The following SCAI variants were observed in gnomAD, a reference collection of about 807,000 sequenced individuals.
The protein encoded by SCAI is protein SCAI.
Under a neutral mutation model 92.2 loss-of-function variants are expected in SCAI, and 24 were observed. The observed-to-expected ratio is 0.26, with a 90% CI of 0.19 to 0.37. SCAI has a LOEUF of 0.37. Among genes scored for constraint, SCAI ranks in the 10% least tolerant of loss-of-function variants. The probability of loss-of-function intolerance (pLI) is 1.00; values close to 1 mark genes in which losing one functional copy is unlikely to be tolerated. For missense variants in SCAI, 450 were observed against 736.2 expected (o/e 0.61, Z 4.50); for synonymous variants, 261 against 258.6 (o/e 1.01, Z -0.09).
chr9:125,143,403 C>A lies in SCAI; in HGVS notation c.35G>T (p.Arg12Leu). 7.2e-7 allele frequency: 1 copy of A among 1,395,942 alleles called. No homozygotes were observed. The highest frequency in any genetic ancestry group is 9.3e-7 in the Non-Finnish European group (1 of 1,073,380). 86.5% of individuals were successfully genotyped at this position (1,395,942 alleles called of 1,614,324 possible). The change falls in exon 1 of 18, where the codon CGG (arginine) becomes CTG (leucine). Residue 12 changes from arginine (R) to leucine (L), a missense_variant. Transcript: ENST00000336505. The part of the protein sequence containing the change: ...VRGARQPQQP[R>L]SRLAPRLTGT... ...CCCGCACCTGGGGGCCAGGCGACTC[C>A]GCGGCTGCTGGGGCTGCCGGGCTCC...
chr9:125,072,128 G>A (rs969044267), intron 2 of SCAI, among the ~76,000 whole-genome samples: 32 of 151,862 alleles, frequency 2.1e-4, no homozygotes, highest in Non-Finnish European at 2.9e-4. Context: ...GGTTCAAGCG[G>A]TTCTCCTGCC....
chr9:125,067,704 C>A (rs918260716), intron 2 of SCAI, among the ~76,000 whole-genome samples: 3 of 152,168 alleles, frequency 2.0e-5, no homozygotes, highest in Non-Finnish European at 4.4e-5. Flanking sequence ...ATTTGCATTT[C>A]TCTGACAACT....
rs1421058572 is a variant in SCAI, at chr9:124,947,598, T to C, written c.*5209A>G. 1.3e-5 allele frequency: 2 copies of C among 152,160 alleles called. No individual in the cohort carries two copies. The highest frequency in any genetic ancestry group is 4.8e-5 in the African/African-American group (2 of 41,432). The allele number at this position is 152,160 out of a possible 1,614,324, so 9.4% of individuals were successfully genotyped here. On this transcript the variant is annotated 3_prime_UTR_variant, in exon 18 of 18. Transcript: ENST00000336505. The stretch of plus-strand genomic sequence containing the variant: ...CCACAATGGGTATGGGTACATAATA[T>C]ACACATACTGTATCACTGCATACCA...
At chr9:125,038,490 T>A (rs988729843) in intron 3 of SCAI, among the ~76,000 whole-genome samples, 1 of 152,348 alleles carries the variant, frequency 6.6e-6, no homozygotes, top group Non-Finnish European at 1.5e-5. Context: ...CCAAATAATT[T>A]TTCCCCCAAA....
At chr9:125,000,139 T>C (rs1188376398) in intron 12 of SCAI, 149 bp from the exon 13 acceptor site, 1 of 460,166 alleles carries the variant, frequency 2.2e-6, no homozygotes, top group African/African-American at 2.0e-5. Flanking sequence ...CATTTTAATT[T>C]AATGGAGTAT....
chr9:124,990,533 G>C (rs939919355), intron 14 of SCAI, among the ~76,000 whole-genome samples: 4 of 152,112 alleles, frequency 2.6e-5, no homozygotes, highest in Admixed American at 6.6e-5. Context: ...ATTATCTATG[G>C]TGTGGATAAA....
At chr9:125,109,361 AAAT>A (rs796825826) in intron 2 of SCAI, among the ~76,000 whole-genome samples, 11 of 151,518 alleles carry the variant, frequency 7.3e-5, no homozygotes, top group South Asian at 2.1e-4. Context: ...CAATTTTAAA[AAAT>A]AATAATAATA....
chr9:124,956,922 G>A (rs1831323572), intron 17 of SCAI, among the ~76,000 whole-genome samples: 3 of 151,444 alleles, frequency 2.0e-5, no homozygotes, highest in Admixed American at 2.0e-4. Context: ...AAAATTTTAA[G>A]GAACATGTAA....
In SCAI at chr9:124,952,638, AAC is replaced by A. The variant is rs1831249133; in HGVS notation, c.*167_*168del. The A allele has an allele frequency of 7.5e-6, 4 of 531,808 alleles. No homozygotes were observed. Among genetic ancestry groups the A allele is most frequent in the Non-Finnish European group, 9.5e-6 (3 of 314,332 alleles). The allele number at this position is 531,808 out of a possible 1,614,324, so 32.9% of individuals were successfully genotyped here. The stretch of plus-strand genomic sequence containing the variant: ...AAAGACCTGAAAGGTTGCATTTTAA[AAC>A]AGTTACCCTAAAAGTGTGAACATTT... On this transcript the variant is annotated 3_prime_UTR_variant, in exon 18 of 18. Coordinates refer to ENST00000336505, the MANE Select transcript of SCAI (RefSeq NM_001144877.3).
chr9:125,088,359 T>C (rs1834364303), intron 2 of SCAI, among the ~76,000 whole-genome samples: 1 of 152,182 alleles, frequency 6.6e-6, no homozygotes, highest in Non-Finnish European at 1.5e-5. Context: ...TGGGGGCAGA[T>C]TTCCCCCTTG....
At position 124,943,727 on chromosome 9, in the gene SCAI, G is replaced by C. The variant is rs1245807442; in HGVS notation, c.*9080C>G. ...TTCAGCATTATTTTCAAGGGAAAAA[G>C]ATCAAACATAACTTATTTTAACTCC... On this transcript the variant is annotated 3_prime_UTR_variant, in exon 18 of 18. Transcript: ENST00000336505. 6.6e-6 allele frequency: 1 copy of C among 152,110 alleles called. No individual in the cohort carries two copies. The highest frequency in any genetic ancestry group is 1.5e-5 in the Non-Finnish European group (1 of 67,994). 9.4% of individuals were successfully genotyped at this position (152,110 alleles called of 1,614,324 possible).
At chr9:125,135,943 T>C (rs376140408) in intron 2 of SCAI, among the ~76,000 whole-genome samples, 18 of 138,886 alleles carry the variant, frequency 1.3e-4, no homozygotes, top group African/African-American at 4.1e-4. Context: ...CACTCCAGCC[T>C]GGTCAACAAG....
chr9:125,013,928 C>A (rs916905764), intron 9 of SCAI, among the ~76,000 whole-genome samples: 5 of 152,202 alleles, frequency 3.3e-5, no homozygotes, highest in African/African-American at 1.2e-4. Flanking sequence ...AAGACAAAAA[C>A]CACATGATTA....
Position 124,971,452 on chromosome 9 carries a change from A to C in SCAI, c.1592T>G (p.Phe531Cys). 6.2e-7 allele frequency: 1 copy of C among 1,611,064 alleles called. No homozygotes were observed. Among genetic ancestry groups the C allele is most frequent in the Non-Finnish European group, 8.5e-7 (1 of 1,178,310 alleles). The change falls in exon 17 of 18, where the codon TTT (phenylalanine) becomes TGT (cysteine). Residue 531 changes from phenylalanine (F) to cysteine (C), a missense_variant. Physicochemically the swap from Phe to Cys is radical, Grantham distance 205. Around this residue, in one of 3 missense-constraint regions of SCAI, gnomAD observed 360 missense variants for 601.8 expected, o/e 0.60. Coordinates refer to ENST00000336505, the MANE Select transcript of SCAI (RefSeq NM_001144877.3). ...SRSIDQAFLQ[F>C]FGDEFLRLLL... ...CAAGCGAAGAAATTCATCTCCAAAA[A>C]ACTGGAGAAATGCCTGATCTGCAAA...
intron 14 of SCAI, among the ~76,000 whole-genome samples, chr9:124,983,402 G>A (rs1430376849): frequency 6.6e-6 from 1 of 152,078 alleles, no homozygotes; most frequent in Non-Finnish European, 1.5e-5. Context: ...TGCCCAGGCT[G>A]GAGTGCAGTG....
intron 2 of SCAI, among the ~76,000 whole-genome samples, chr9:125,098,023 A>G (rs1834597163): frequency 6.6e-6 from 1 of 150,798 alleles, no homozygotes; most frequent in Admixed American, 6.7e-5. Flanking sequence ...GTGTATATAT[A>G]TATCTATACA....
chr9:124,994,147 G>A (rs1454982401), intron 14 of SCAI, among the ~76,000 whole-genome samples: 1 of 150,728 alleles, frequency 6.6e-6, no homozygotes, highest in African/African-American at 2.4e-5. Context: ...TGAGTCTCCC[G>A]CCTCAGCCTC....
At chr9:125,048,366 T>C (rs1281301165) in intron 3 of SCAI, among the ~76,000 whole-genome samples, 3 of 152,184 alleles carry the variant, frequency 2.0e-5, no homozygotes, top group Non-Finnish European at 2.9e-5. Context: ...CCAATTCTTC[T>C]GGTGGTAAGC....
At position 124,950,261 on chromosome 9, in the gene SCAI, A is replaced by T. The variant is rs1360883428; in HGVS notation, c.*2546T>A. The T allele has an allele frequency of 6.6e-6, 1 of 152,134 alleles. No homozygotes were observed. The highest frequency in any genetic ancestry group is 1.5e-5 in the Non-Finnish European group (1 of 68,030). The allele number at this position is 152,134 out of a possible 1,614,324, so 9.4% of individuals were successfully genotyped here. A position where few individuals can be genotyped will look rare whatever the true frequency, so the allele number is the denominator to read the frequency against. On this transcript the variant is annotated 3_prime_UTR_variant, in exon 18 of 18. Transcript: ENST00000336505. ...CAATATTTTTGGAACCAAGAGTCCA[A>T]ATTACAGAATCAGAGTTGGAGAAGA...
Sources: gnomAD v4.1 joint callset for allele counts (sites outside exome capture counted in the v4.1 genomes callset) on GRCh38, gnomAD v4.1.1 for gene constraint, gnomAD v4.1.1 regional missense constraint, MANE v1.5 for transcripts, NCBI Gene and HGNC (gene_info 2026-07-23, HGNC 2026-07-21) for gene names.